SLC8A1: variants seen among roughly 807,000 people sequenced by gnomAD.
SLC8A1 encodes the protein sodium/calcium exchanger 1.
Under a neutral mutation model 68.3 loss-of-function variants are expected in SLC8A1, and 18 were observed. That is an observed-to-expected ratio of 0.26 (90% CI 0.18 to 0.39). The LOEUF (loss-of-function observed/expected upper bound fraction) is 0.39, where lower values mean the gene tolerates loss of function less well. SLC8A1 is among the 10% of genes least tolerant of loss of function. The probability of loss-of-function intolerance (pLI) is 1.00; values close to 1 mark genes in which losing one functional copy is unlikely to be tolerated. For synonymous variants in SLC8A1, 475 were observed against 415.5 expected (o/e 1.14, Z -1.74); for missense variants, 985 against 1,156.7 (o/e 0.85, Z 2.15).
chr2:40,252,270 T>TA (rs1486106782), intron 2 of SLC8A1, among the ~76,000 whole-genome samples: 2 of 152,186 alleles, frequency 1.3e-5, no homozygotes, highest in African/African-American at 4.8e-5. Flanking sequence ...TGACAAAATA[T>TA]AAAGCAGCTC....
chr2:40,413,074 A>G (rs1187902815), intron 2 of SLC8A1, among the ~76,000 whole-genome samples: 1 of 152,144 alleles, frequency 6.6e-6, no homozygotes, highest in East Asian at 1.9e-4. Flanking sequence ...ACCAGTTAGA[A>G]TGGCGATCAT....
intron 2 of SLC8A1, chr2:40,250,307 C>T (rs2062535038): frequency 6.6e-6 from 1 of 152,124 alleles, no homozygotes; most frequent in Non-Finnish European, 1.5e-5. Flanking sequence ...AGTTTTTTAT[C>T]TACAAGTTGG....
chr2:40,503,169 C>A (rs1706151215), intron 1 of SLC8A1, among the ~76,000 whole-genome samples: 1 of 151,936 alleles, frequency 6.6e-6, no homozygotes, highest in Non-Finnish European at 1.5e-5. Context: ...CAACAAAGCA[C>A]CTTTTGTAAT....
chr2:40,311,647 G>T (rs1027687796), intron 2 of SLC8A1, among the ~76,000 whole-genome samples: 1 of 151,986 alleles, frequency 6.6e-6, no homozygotes, highest in South Asian at 2.1e-4. Context: ...ATTGACAATT[G>T]TATCCCCAAG....
chr2:40,233,061 G>A (rs1053091372), intron 2 of SLC8A1, among the ~76,000 whole-genome samples: 68 of 152,162 alleles, frequency 4.5e-4, no homozygotes, highest in East Asian at 4.2e-3. Context: ...GTAAACATAC[G>A]TGTGCATGTG....
rs774555210 is a variant in SLC8A1 at position 40,346,047 on chromosome 2, T to TAAAAAAAAAA, written c.1808+82416_1808+82425dup. Among the ~76,000 whole-genome samples, 136 of 41,658 alleles carry TAAAAAAAAAA rather than the reference T, an allele frequency of 3.3e-3. 1 individual carries two copies. Among genetic ancestry groups the TAAAAAAAAAA allele is most frequent in the Admixed American group, 4.3e-3 (14 of 3,266 alleles). 27.3% of individuals were successfully genotyped at this position (41,658 alleles called of 152,430 possible). On this transcript the variant is annotated intron_variant, in intron 2 of 7. Transcript: ENST00000406785. ...TAAACACACTCATCAACATTAACAG[T>TAAAAAAAAAA]AAAAAAAAAAAAAAAAAAAAAAAAA...
chr2:40,470,996 T>C (rs1417267600), intron 1 of SLC8A1, among the ~76,000 whole-genome samples: 1 of 152,206 alleles, frequency 6.6e-6, no homozygotes, highest in African/African-American at 2.4e-5. Context: ...TTGCTATTAC[T>C]ATGAGCTCTA....
intron 2 of SLC8A1, among the ~76,000 whole-genome samples, chr2:40,293,998 C>T (rs78356792): frequency 0.02 from 3,009 of 152,136 alleles, 39 homozygotes; most frequent in Non-Finnish European, 0.031. Context: ...TCAACAGAAT[C>T]CATAGCAATC....
intron 2 of SLC8A1, among the ~76,000 whole-genome samples, chr2:40,215,101 TTTCTC>T (rs1168326526): frequency 6.6e-6 from 1 of 152,186 alleles, no homozygotes; most frequent in Non-Finnish European, 1.5e-5. Flanking sequence ...TTTCAATTCT[TTTCTC>T]TGCTAAAGTA....
intron 2 of SLC8A1, among the ~76,000 whole-genome samples, chr2:40,241,650 C>CAGAGTAGGGAAAGA (rs768724044): frequency 3.0e-4 from 45 of 152,298 alleles, no homozygotes; most frequent in Admixed American, 6.5e-4. Context: ...AAGACCACAA[C>CAGAGTAGGGAAAGA]AGAGTAGGGA....
At chr2:40,114,221 A>T (rs894377892) in exon 8 of SLC8A1, 2 of 152,822 alleles carry the variant, frequency 1.3e-5, no homozygotes, top group Middle Eastern at 3.2e-3. Context: ...AAGAAGGAGC[A>T]AATGTTCAGT....
chr2:40,371,964 T>C (rs1325951386), intron 2 of SLC8A1, among the ~76,000 whole-genome samples: 1 of 152,200 alleles, frequency 6.6e-6, no homozygotes. Flanking sequence ...GGATGTAACA[T>C]CCTACCCATG....
At chr2:40,191,870 C>T (rs561980533) in intron 2 of SLC8A1, among the ~76,000 whole-genome samples, 17 of 152,094 alleles carry the variant, frequency 1.1e-4, no homozygotes, top group South Asian at 2.1e-4. Context: ...TATAGGGAAA[C>T]GTTGTTTTGA....
chr2:40,177,577 G>A (rs538312527), intron 3 of SLC8A1, among the ~76,000 whole-genome samples: 10 of 152,302 alleles, frequency 6.6e-5, no homozygotes, highest in Admixed American at 2.6e-4. Context: ...GAAAGTGGGC[G>A]TTGCCTGTTG....
chr2:40,194,524 G>A (rs150763770), intron 2 of SLC8A1, among the ~76,000 whole-genome samples: 10 of 149,576 alleles, frequency 6.7e-5, no homozygotes, highest in Admixed American at 1.3e-4. Flanking sequence ...CAAAGAAAAC[G>A]AGAGGGAGAA....
chr2:40,113,114 C>T (rs562441121), exon 8 of SLC8A1: 102 of 152,274 alleles, frequency 6.7e-4, no homozygotes, highest in African/African-American at 2.3e-3. Flanking sequence ...GGCTTAGTCC[C>T]CAGAAAGTAT....
chr2:40,359,430 A>G (rs930560396), intron 2 of SLC8A1, among the ~76,000 whole-genome samples: 7 of 152,152 alleles, frequency 4.6e-5, no homozygotes, highest in Non-Finnish European at 8.8e-5. Flanking sequence ...TAAGTGTGAA[A>G]AAGGGTTTTT....
chr2:40,498,709 T>A (rs933458230), intron 1 of SLC8A1, among the ~76,000 whole-genome samples: 1 of 152,098 alleles, frequency 6.6e-6, no homozygotes, highest in Non-Finnish European at 1.5e-5. Context: ...CTTGGTTTTG[T>A]CCAAATACTT....
chr2:40,429,054 G>A, exon 2 of SLC8A1: 1 of 1,612,068 alleles, frequency 6.2e-7, no homozygotes, highest in Middle Eastern at 1.7e-4. Context: ...GTTCAAAGAA[G>A]ATCTTACTAA....
Sources: gnomAD v4.1 joint callset for allele counts (sites outside exome capture counted in the v4.1 genomes callset) on GRCh38, gnomAD v4.1.1 for gene constraint, MANE v1.5 for transcripts, NCBI Gene and HGNC (gene_info 2026-07-23, HGNC 2026-07-21) for gene names.